SDK1: variants seen among roughly 807,000 people sequenced by gnomAD.
SDK1 encodes sidekick cell adhesion molecule 1, also known as protein sidekick-1.
A neutral mutation model predicts 245.5 loss-of-function variants in SDK1; 157 were observed. That is an observed-to-expected ratio of 0.64 (90% confidence interval 0.56 to 0.73). The LOEUF is 0.73. SDK1 is among the 30% of genes least tolerant of loss of function. The probability of loss-of-function intolerance (pLI) is 0.00; values close to 1 mark genes in which losing one functional copy is unlikely to be tolerated. For synonymous variants in SDK1, 1,647 were observed against 1,278.5 expected, an observed-to-expected ratio of 1.29 and a Z score of -6.15; for missense variants, 3,583 against 3,002.3, an observed-to-expected ratio of 1.19 and a Z score of -4.52.
intron 2 of SDK1, among the ~76,000 whole-genome samples, chr7:3,627,400 G>A (rs1262436706): frequency 1.3e-5 from 2 of 152,182 alleles, no homozygotes; most frequent in African/African-American, 2.4e-5. Context: ...AGGCTGCCAC[G>A]TGTATAGGAG....
chr7:3,734,991 C>G (rs1779279722), intron 4 of SDK1, among the ~76,000 whole-genome samples: 2 of 152,140 alleles, frequency 1.3e-5, no homozygotes, highest in African/African-American at 4.8e-5. Flanking sequence ...GTTCCTCATT[C>G]TCCCCATGGG....
At chr7:4,144,231 G>A (rs1779794862) in intron 28 of SDK1, among the ~76,000 whole-genome samples, 1 of 152,116 alleles carries the variant, frequency 6.6e-6, no homozygotes, top group Non-Finnish European at 1.5e-5. Flanking sequence ...AGTCTAGCAG[G>A]GACACCCTTG....
intron 44 of SDK1, among the ~76,000 whole-genome samples, chr7:4,260,992 C>G (rs1787967943): frequency 6.6e-6 from 1 of 152,174 alleles, no homozygotes; most frequent in South Asian, 2.1e-4. Context: ...TACCATAAGC[C>G]AAACAGTTTA....
intron 28 of SDK1, among the ~76,000 whole-genome samples, chr7:4,141,488 G>A (rs1044230572): frequency 6.6e-6 from 1 of 152,216 alleles, no homozygotes; most frequent in African/African-American, 2.4e-5. Context: ...ACCATGCCCT[G>A]CTCCTGAAAG....
intron 1 of SDK1, among the ~76,000 whole-genome samples, chr7:3,324,703 G>C (rs1229835336): frequency 6.6e-6 from 1 of 152,128 alleles, no homozygotes; most frequent in Non-Finnish European, 1.5e-5. Flanking sequence ...CTGGAAAACT[G>C]TTCTTTAGAA....
chr7:3,304,229 G>T (rs1218581194), intron 1 of SDK1, among the ~76,000 whole-genome samples: 1 of 152,162 alleles, frequency 6.6e-6, no homozygotes, highest in African/African-American at 2.4e-5. Flanking sequence ...TGTATGCTCT[G>T]CTTATTGCTG....
chr7:3,828,502 C>T (rs781490331), intron 5 of SDK1, among the ~76,000 whole-genome samples: 7 of 151,582 alleles, frequency 4.6e-5, no homozygotes, highest in Non-Finnish European at 1.0e-4. Flanking sequence ...AATATAAAAC[C>T]TATTCATCAA....
intron 1 of SDK1, among the ~76,000 whole-genome samples, chr7:3,507,325 T>C (rs1005703859): frequency 6.6e-6 from 1 of 152,192 alleles, no homozygotes; most frequent in African/African-American, 2.4e-5. Context: ...CTGGACCTCT[T>C]TCTTTGTAGA....
At chr7:3,941,088 C>CT in intron 5 of SDK1, among the ~76,000 whole-genome samples, 1 of 152,132 alleles carries the variant, frequency 6.6e-6, no homozygotes, top group Non-Finnish European at 1.5e-5. Context: ...AGCTTTCTCC[C>CT]TTATAAGCTG....
intron 5 of SDK1, among the ~76,000 whole-genome samples, chr7:3,935,347 A>T (rs1780119397): frequency 6.6e-6 from 1 of 152,248 alleles, no homozygotes; most frequent in Non-Finnish European, 1.5e-5. Flanking sequence ...TTTAGGAATG[A>T]TATTGATAAC....
intron 5 of SDK1, among the ~76,000 whole-genome samples, chr7:3,887,604 T>C (rs1333037713): frequency 1.3e-5 from 2 of 152,234 alleles, no homozygotes; most frequent in Non-Finnish European, 2.9e-5. Flanking sequence ...TAAAATTCAT[T>C]TGTTTGGTTA....
At chr7:3,905,958 A>G (rs930302014) in intron 5 of SDK1, among the ~76,000 whole-genome samples, 1 of 152,038 alleles carries the variant, frequency 6.6e-6, no homozygotes, top group African/African-American at 2.4e-5. Flanking sequence ...TTTTTTCTGA[A>G]TATTTCTTTT....
At chr7:3,585,362 G>C (rs1419547636) in intron 1 of SDK1, among the ~76,000 whole-genome samples, 1 of 152,210 alleles carries the variant, frequency 6.6e-6, no homozygotes, top group African/African-American at 2.4e-5. Flanking sequence ...AATAAAGCTA[G>C]AGTAATGGAT....
chr7:4,016,445 A>G (rs901101273), intron 16 of SDK1, among the ~76,000 whole-genome samples: 5 of 152,248 alleles, frequency 3.3e-5, no homozygotes, highest in Non-Finnish European at 5.9e-5. Context: ...ATGGAGAAAC[A>G]TATGCTAATC....
intron 4 of SDK1, among the ~76,000 whole-genome samples, chr7:3,785,877 C>T (rs936256831): frequency 6.6e-6 from 1 of 152,260 alleles, no homozygotes; most frequent in African/African-American, 2.4e-5. Context: ...GTGAATTTAT[C>T]TTTTTTCCCC....
In SDK1 at chr7:4,266,954, C is replaced by T. The variant is rs1788508479; in HGVS notation, c.*1570C>T. 2 of 985,390 alleles carry T rather than the reference C, an allele frequency of 2.0e-6. No individual in the cohort carries two copies. The highest frequency in any genetic ancestry group is 1.7e-5 in the African/African-American group (1 of 57,256). The allele number at this position is 985,390 out of a possible 1,614,324, so 61.0% of individuals were successfully genotyped here. The stretch of plus-strand genomic sequence containing the variant: ...CTGAGCAGTATCTGACCAGTGCCAC[C>T]CAGGAGCCAGTCTCCTGGCCACATG... On this transcript the variant is annotated 3_prime_UTR_variant, in exon 45 of 45. Transcript: ENST00000404826.
chr7:4,153,391 T>A (rs1780515892), intron 30 of SDK1, among the ~76,000 whole-genome samples: 1 of 152,024 alleles, frequency 6.6e-6, no homozygotes, highest in South Asian at 2.1e-4. Context: ...ATCGAGCCCA[T>A]CCTGGCCGAT....
rs563955986 is a variant in SDK1 at position 3,523,526 on chromosome 7, A to G, written c.299-95554A>G. ...CTGGTGAACGGCTGCTAATCTTTCA[A>G]TGTTAGCTAAAGCTCCTAAGACTCC... is the stretch of plus-strand genomic sequence containing the variant. On this transcript the variant is annotated intron_variant, in intron 1 of 44. Coordinates refer to ENST00000404826, the MANE Select transcript of SDK1 (RefSeq NM_152744.4). Among the ~76,000 whole-genome samples, 8 of 152,176 alleles carry G rather than the reference A, an allele frequency of 5.3e-5. No individual in the cohort carries two copies. In the South Asian group the frequency reaches 1.2e-3, roughly 24 times the overall value.
intron 5 of SDK1, among the ~76,000 whole-genome samples, chr7:3,864,425 T>C (rs1780771497): frequency 1.3e-5 from 2 of 152,206 alleles, no homozygotes; most frequent in Admixed American, 6.5e-5. Context: ...GTCCCTTCCC[T>C]TTCCTGCCTG....
Sources: allele counts gnomAD v4.1 joint callset (sites outside exome capture counted in the v4.1 genomes callset), GRCh38; gene constraint gnomAD v4.1.1; transcripts MANE v1.5; gene names NCBI Gene and HGNC (gene_info 2026-07-23, HGNC 2026-07-21).